The following RARG variants were observed in gnomAD, a reference collection of about 807,000 sequenced individuals.
RARG encodes retinoic acid receptor gamma.
Under a neutral mutation model 43.7 loss-of-function variants are expected in RARG, and 17 were observed. That is an observed-to-expected ratio of 0.39 (90% CI 0.27 to 0.58). The LOEUF (loss-of-function observed/expected upper bound fraction) is 0.58, where lower values mean the gene tolerates loss of function less well. Among genes scored for constraint, RARG ranks in the 20% least tolerant of loss-of-function variants. RARG has a pLI of 0.57. For missense variants in RARG, 346 were observed against 598.7 expected (o/e 0.58, Z 4.40); for synonymous variants, 238 against 236.4 (o/e 1.01, Z -0.06).
Position 53,215,527 on chromosome 12 carries a change from A to G in RARG, c.334-93T>C. Reference sequence around the variant, plus strand: ...TTGCAGGTTGCCCCAAGCCTGACCTAATCTATTAACCACCTATGTGCAAAG... The same window carrying G: ...TTGCAGGTTGCCCCAAGCCTGACCTGATCTATTAACCACCTATGTGCAAAG... On this transcript the variant is annotated intron_variant, in intron 4 of 9. Transcript: ENST00000425354. The surrounding 1 kb of genome is among the most constrained non-coding windows in gnomAD (Gnocchi z 6.4). The G allele has an allele frequency of 6.3e-7, 1 of 1,592,058 alleles. No individual in the cohort carries two copies. Among genetic ancestry groups the G allele is most frequent in the South Asian group, 1.1e-5 (1 of 89,624 alleles).
intron 3 of RARG, among the ~76,000 whole-genome samples, chr12:53,217,826 G>A (rs1020508635): frequency 1.3e-5 from 2 of 152,278 alleles, no homozygotes; most frequent in African/African-American, 2.4e-5. Context: ...ACCAGGCTGC[G>A]CGGAGCTTCA....
At chr12:53,230,834 T>TGC (rs1340407332) in intron 2 of RARG, among the ~76,000 whole-genome samples, 1 of 128,090 alleles carries the variant, frequency 7.8e-6, no homozygotes, top group Non-Finnish European at 1.7e-5. Flanking sequence ...TAGGCCACAG[T>TGC]GCGTGTGTGT....
At chr12:53,231,878 T>G in intron 1 of RARG, 96 bp downstream of exon 1, 1 of 389,510 alleles carries the variant, frequency 2.6e-6, no homozygotes, top group Non-Finnish European at 4.5e-6. Context: ...CGGGAGGGCA[T>G]TCGCCCGTGC....
intron 3 of RARG, among the ~76,000 whole-genome samples, chr12:53,221,208 C>T (rs1189735872): frequency 6.6e-6 from 1 of 150,728 alleles, no homozygotes; most frequent in Non-Finnish European, 1.5e-5. Context: ...CTAGCCCGAG[C>T]AGTCCGCCCT....
chr12:53,218,869 G>A (rs1942858267), intron 3 of RARG, among the ~76,000 whole-genome samples: 1 of 135,302 alleles, frequency 7.4e-6, no homozygotes, highest in Non-Finnish European at 1.6e-5. Context: ...TCCGCACCCA[G>A]GCAGCGAGCA....
intron 3 of RARG, among the ~76,000 whole-genome samples, chr12:53,224,335 C>T (rs1171111245): frequency 6.6e-6 from 1 of 151,912 alleles, no homozygotes; most frequent in Non-Finnish European, 1.5e-5. Context: ...CAATAAGATC[C>T]AAGAGCCAGC....
At chr12:53,226,514 G>A (rs185102325) in intron 3 of RARG, among the ~76,000 whole-genome samples, 6 of 152,174 alleles carry the variant, frequency 3.9e-5, no homozygotes, top group East Asian at 3.9e-4. Flanking sequence ...TTTTAAAGAC[G>A]GGGTTTCACT....
In RARG at chr12:53,213,464, C is replaced by T. The variant is rs974599267; in HGVS notation, c.1018+32G>A. The T allele has an allele frequency of 8.1e-6, 13 of 1,604,976 alleles. No individual in the cohort carries two copies. In the African/African-American group the frequency reaches 1.7e-4, roughly 21 times the overall value. ...TGGAGTGGTGGGAAAGGAGACTGAG[C>T]ACTGAGCAGACGCCAGGGGGCGCCC... On this transcript the variant is annotated intron_variant, in intron 8 of 9. Coordinates refer to ENST00000425354, the MANE Select transcript of RARG (RefSeq NM_000966.6). The surrounding 1 kb of genome is among the most constrained non-coding windows in gnomAD (Gnocchi z 4.7).
At chr12:53,219,647 G>A (rs1278598556) in intron 3 of RARG, among the ~76,000 whole-genome samples, 1 of 152,176 alleles carries the variant, frequency 6.6e-6, no homozygotes, top group Admixed American at 6.5e-5. Flanking sequence ...TATCCTTCCA[G>A]GGCCACGGAC....
chr12:53,219,822 G>A (rs1942898245), intron 3 of RARG: 3 of 869,916 alleles, frequency 3.4e-6, no homozygotes, highest in East Asian at 2.9e-5. Flanking sequence ...ACGTTTAAAG[G>A]GCCAGTACCT....
intron 5 of RARG, 130 bp from the exon 6 acceptor site, chr12:53,214,736 T>C (rs1942709892): frequency 9.7e-7 from 1 of 1,033,368 alleles, no homozygotes; most frequent in African/African-American, 1.6e-5. Flanking sequence ...AATTACTGCC[T>C]CAGTTTCCCT....
intron 3 of RARG, chr12:53,220,336 T>G: frequency 7.7e-7 from 1 of 1,292,150 alleles, no homozygotes; most frequent in South Asian, 2.0e-5. Context: ...GTCCAGCTCT[T>G]ATCTGGGTGC....
intron 3 of RARG, chr12:53,219,955 A>C: frequency 6.6e-7 from 1 of 1,514,786 alleles, no homozygotes; most frequent in African/African-American, 1.4e-5. Flanking sequence ...CCTACATTGC[A>C]GGCTGGCGGG....
At chr12:53,222,119 A>C (rs1942984581) in intron 3 of RARG, among the ~76,000 whole-genome samples, 1 of 151,806 alleles carries the variant, frequency 6.6e-6, no homozygotes, top group South Asian at 2.1e-4. Context: ...AGGGATGGAG[A>C]GGGAATGCAC....
At chr12:53,219,639 T>C (rs1942891504) in intron 3 of RARG, among the ~76,000 whole-genome samples, 1 of 152,202 alleles carries the variant, frequency 6.6e-6, no homozygotes, top group Non-Finnish European at 1.5e-5. Context: ...GAGTGTCATA[T>C]CCTTCCAGGG....
chr12:53,229,915 G>A, intron 2 of RARG: 1 of 954,650 alleles, frequency 1.0e-6, no homozygotes, highest in Non-Finnish European at 1.2e-6. Context: ...CCTCACCAAG[G>A]AATGATGCTG....
At chr12:53,212,556 G>T (rs1942621854) in intron 9 of RARG, among the ~76,000 whole-genome samples, 1 of 152,140 alleles carries the variant, frequency 6.6e-6, no homozygotes, top group African/African-American at 2.4e-5. Flanking sequence ...TGATCTTTCT[G>T]CCTCAGCCTC....
chr12:53,222,172 C>T (rs1565727462), intron 3 of RARG, among the ~76,000 whole-genome samples: 1 of 150,558 alleles, frequency 6.6e-6, no homozygotes, highest in Non-Finnish European at 1.5e-5. Flanking sequence ...CCTCCCCCAA[C>T]CCCAAATACC....
chr12:53,216,417 T>A (rs1942762050), intron 3 of RARG, among the ~76,000 whole-genome samples: 1 of 152,012 alleles, frequency 6.6e-6, no homozygotes, highest in African/African-American at 2.4e-5. Flanking sequence ...TGAATAACCA[T>A]CAGAGACAGT....
Sources: gnomAD v4.1 joint callset for allele counts (sites outside exome capture counted in the v4.1 genomes callset) on GRCh38, gnomAD v4.1.1 for gene constraint, Gnocchi (gnomAD v3.1) non-coding constraint, MANE v1.5 for transcripts, NCBI Gene and HGNC (gene_info 2026-07-23, HGNC 2026-07-21) for gene names.